Variants in APP observed in about 807,000 individuals in gnomAD.
APP encodes the protein amyloid-beta precursor protein.
In APP, 31 loss-of-function variants were observed where a neutral mutation model predicts 101.4. The ratio of observed to expected loss-of-function variants is 0.31; its 90% CI spans 0.23 to 0.41. APP has a LOEUF of 0.41. Among genes scored for constraint, APP ranks in the 10% least tolerant of loss-of-function variants. The pLI is 1.00. For missense variants in APP, 839 were observed against 1,003.7 expected (o/e 0.84, Z 2.22); for synonymous variants, 366 against 364.4 (o/e 1.00, Z -0.05).
intron 3 of APP, among the ~76,000 whole-genome samples, chr21:26,082,679 T>C (rs2830044): frequency 0.27 from 41,124 of 152,056 alleles, 6,822 homozygotes; most frequent in South Asian, 0.37. Flanking sequence ...CTTGAAATCT[T>C]ATCCTTGAAA....
chr21:25,963,689 G>T (rs1029750960), intron 11 of APP, among the ~76,000 whole-genome samples: 6 of 152,152 alleles, frequency 3.9e-5, no homozygotes, highest in Non-Finnish European at 8.8e-5. Context: ...CCGTGTGCAG[G>T]TTTAAAAATC....
chr21:26,014,087 A>G (rs1176797376), intron 6 of APP, among the ~76,000 whole-genome samples: 1 of 152,152 alleles, frequency 6.6e-6, no homozygotes, highest in Non-Finnish European at 1.5e-5. Flanking sequence ...GGCTTGCTCT[A>G]TAAGGAGGAG....
chr21:25,964,224 T>C (rs1340442251), intron 11 of APP, among the ~76,000 whole-genome samples: 1 of 152,180 alleles, frequency 6.6e-6, no homozygotes, highest in Non-Finnish European at 1.5e-5. Flanking sequence ...CTATCATCTG[T>C]TCTCTCCTTC....
intron 16 of APP, among the ~76,000 whole-genome samples, chr21:25,893,099 G>T (rs1057446797): frequency 2.0e-5 from 3 of 152,132 alleles, no homozygotes; most frequent in African/African-American, 7.2e-5. Flanking sequence ...TATTATATCT[G>T]TTTGGTGATC....
intron 14 of APP, 30 bp downstream of exon 14, chr21:25,911,711 A>G (rs201205495): frequency 8.0e-5 from 128 of 1,597,744 alleles, no homozygotes; most frequent in Non-Finnish European, 1.1e-4. Context: ...TACCTCCCAG[A>G]ACGCCCTTGC....
chr21:26,156,861 GA>G (rs1252010911), intron 1 of APP, among the ~76,000 whole-genome samples: 13 of 46,918 alleles, frequency 2.8e-4, no homozygotes, highest in East Asian at 7.1e-4. Flanking sequence ...CTTCACGGGT[GA>G]AAAAAAGTAT....
chr21:26,156,253 A>C (rs924645921), intron 1 of APP, among the ~76,000 whole-genome samples: 2 of 152,332 alleles, frequency 1.3e-5, no homozygotes, highest in East Asian at 1.9e-4. Flanking sequence ...TGAATAGACC[A>C]TTTTTATTTC....
At chr21:25,898,410 CAAAAT>C (rs2038223846) in intron 15 of APP, among the ~76,000 whole-genome samples, 1 of 151,466 alleles carries the variant, frequency 6.6e-6, no homozygotes, top group Non-Finnish European at 1.5e-5. Context: ...AAGCTTAAAA[CAAAAT>C]GCAGAGTCAT....
intron 3 of APP, among the ~76,000 whole-genome samples, chr21:26,075,613 G>T (rs935163253): frequency 6.6e-6 from 1 of 152,140 alleles, no homozygotes; most frequent in Non-Finnish European, 1.5e-5. Flanking sequence ...AATTTACAGC[G>T]TAACAAGGAC....
intron 13 of APP, among the ~76,000 whole-genome samples, chr21:25,933,401 C>A (rs940025084): frequency 2.0e-5 from 3 of 152,198 alleles, no homozygotes; most frequent in Non-Finnish European, 4.4e-5. Flanking sequence ...TCGTGCCCAG[C>A]CTGTCTTCTT....
intron 8 of APP, among the ~76,000 whole-genome samples, chr21:25,993,777 G>A (rs535022062): frequency 2.6e-5 from 4 of 152,268 alleles, no homozygotes; most frequent in South Asian, 4.1e-4. Context: ...GACCCCCTGG[G>A]CACATTTAGC....
In APP at chr21:26,082,702, A is replaced by G. The variant is rs114554202; in HGVS notation, c.355+7241T>C. 1.6e-3 allele frequency among the ~76,000 whole-genome samples: 239 copies of G among 152,218 alleles called. 2 individuals carry two copies. Among genetic ancestry groups the G allele is most frequent in the African/African-American group, 5.3e-3 (222 of 41,524 alleles). Reference sequence around the variant, plus strand: ...CTTATCCTTGAAATCTTGGCTCACAATGCTACTTCCTGTCAAGTCTTCCTT... The same window carrying G: ...CTTATCCTTGAAATCTTGGCTCACAGTGCTACTTCCTGTCAAGTCTTCCTT... On this transcript the variant is annotated intron_variant, in intron 3 of 17. Transcript: ENST00000346798.
chr21:26,115,026 T>C (rs375579386), intron 1 of APP, among the ~76,000 whole-genome samples: 2 of 152,316 alleles, frequency 1.3e-5, no homozygotes. Context: ...ATTTTAACAA[T>C]GAGAGTTTAG....
intron 16 of APP, among the ~76,000 whole-genome samples, chr21:25,896,691 T>C (rs1205888508): frequency 6.6e-6 from 1 of 152,156 alleles, no homozygotes; most frequent in Non-Finnish European, 1.5e-5. Flanking sequence ...TTTGATTTAC[T>C]CCAATTCTAA....
chr21:25,940,463 G>C (rs999659990), intron 13 of APP, among the ~76,000 whole-genome samples: 1 of 152,008 alleles, frequency 6.6e-6, no homozygotes, highest in African/African-American at 2.4e-5. Flanking sequence ...ATCATGACAA[G>C]GCATAACAGA....
Position 25,954,644 on chromosome 21 carries a change from G to T in APP, c.1633C>A (p.Leu545Ile), listed in dbSNP as rs2041234369. Residue 545 changes from leucine to isoleucine, a missense_variant, in exon 13 of 18, where the codon CTC becomes ATC. Transcript: ENST00000346798. The part of the protein sequence containing the change: ...RVIYERMNQS[L>I]SLLYNVPAVA... ...GCAGGCACGTTGTAGAGCAGGGAGA[G>T]AGACTGATTCATGCGCTCATAAATC... 2 of 1,614,044 alleles carry T rather than the reference G, an allele frequency of 1.2e-6. No homozygotes were observed. Among genetic ancestry groups the T allele is most frequent in the African/African-American group, 2.7e-5 (2 of 74,938 alleles).
intron 1 of APP, among the ~76,000 whole-genome samples, chr21:26,158,494 T>C (rs1477729704): frequency 6.6e-6 from 1 of 152,176 alleles, no homozygotes; most frequent in Non-Finnish European, 1.5e-5. Flanking sequence ...CACATTTACA[T>C]GCTCCCTTGC....
In APP at chr21:26,150,606, C is replaced by CAGATAGATAGATAGATAGATAGATAGAT. The variant is rs775175694; in HGVS notation, c.57+19957_57+19958insATCTATCTATCTATCTATCTATCTATCT. 8.1e-3 allele frequency among the ~76,000 whole-genome samples: 1,200 copies of CAGATAGATAGATAGATAGATAGATAGAT among 148,650 alleles called. 15 individuals are homozygous for CAGATAGATAGATAGATAGATAGATAGAT. The highest frequency in any genetic ancestry group is 0.025 in the African/African-American group (991 of 39,448). On this transcript the variant is annotated intron_variant, in intron 1 of 17. Transcript: ENST00000346798. ...GTATACTGATTGACATCTAGATAGA[C>CAGATAGATAGATAGATAGATAGATAGAT]AGATAGATAGACAGATAGATAGACA...
At chr21:26,029,250 C>T (rs2044714436) in intron 5 of APP, among the ~76,000 whole-genome samples, 1 of 152,112 alleles carries the variant, frequency 6.6e-6, no homozygotes, top group Non-Finnish European at 1.5e-5. Flanking sequence ...ATGTCTCTGG[C>T]TGCTGGGCAC....
Sources: allele counts gnomAD v4.1 joint callset (sites outside exome capture counted in the v4.1 genomes callset), GRCh38; gene constraint gnomAD v4.1.1; transcripts MANE v1.5; gene names NCBI Gene and HGNC (gene_info 2026-07-23, HGNC 2026-07-21).